C12orf60: variants seen among roughly 807,000 people sequenced by gnomAD.
C12orf60 encodes chromosome 12 open reading frame 60.
For missense variants in C12orf60, 284 were observed against 283.2 expected (o/e 1.00, Z -0.02); for synonymous variants, 102 against 94.6 (o/e 1.08, Z -0.45).
intron 1 of C12orf60, among the ~76,000 whole-genome samples, chr12:14,807,331 A>T (rs1565678909): frequency 6.6e-6 from 1 of 152,148 alleles, no homozygotes; most frequent in Non-Finnish European, 1.5e-5. Flanking sequence ...TTTTATTTGA[A>T]ACAGACCCCA....
chr12:14,812,476 C>G (rs1950156625), intron 1 of C12orf60, among the ~76,000 whole-genome samples: 1 of 152,046 alleles, frequency 6.6e-6, no homozygotes, highest in South Asian at 2.1e-4. Context: ...GTTACGTATA[C>G]TATTCCCTGT....
chr12:14,805,613 G>A (rs1328698064), intron 1 of C12orf60: 1 of 166,758 alleles, frequency 6.0e-6, no homozygotes, highest in Non-Finnish European at 1.3e-5. Context: ...ATAACTAAAT[G>A]ATGTTTGAAG....
At chr12:14,805,679 A>G (rs1296900976) in intron 1 of C12orf60, 6 of 210,600 alleles carry the variant, frequency 2.8e-5, no homozygotes. Context: ...AATTTTACTG[A>G]AATTAGAAAA....
At chr12:14,814,417 A>C (rs1950186732) in intron 1 of C12orf60, among the ~76,000 whole-genome samples, 1 of 152,170 alleles carries the variant, frequency 6.6e-6, no homozygotes. Flanking sequence ...TCTTTAATGG[A>C]CTTTTTATTG....
intron 1 of C12orf60, among the ~76,000 whole-genome samples, chr12:14,821,815 G>A (rs1950309697): frequency 6.6e-6 from 1 of 151,864 alleles, no homozygotes; most frequent in South Asian, 2.1e-4. Flanking sequence ...CTCACCTGGG[G>A]GCAAAGCAGT....
intron 1 of C12orf60, among the ~76,000 whole-genome samples, chr12:14,817,035 TAAATATAAATCTAAG>T (rs1394687300): frequency 1.3e-5 from 2 of 152,130 alleles, no homozygotes; most frequent in East Asian, 3.8e-4. Context: ...ATAAAATACT[TAAATATAAATCTAAG>T]AATATATGAG....
intron 1 of C12orf60, among the ~76,000 whole-genome samples, chr12:14,815,713 C>T (rs1950204372): frequency 1.3e-5 from 2 of 152,154 alleles, no homozygotes; most frequent in Admixed American, 6.5e-5. Context: ...CCATTGCCTA[C>T]AGTATGTGGA....
At chr12:14,807,111 C>T (rs1035476025) in intron 1 of C12orf60, among the ~76,000 whole-genome samples, 18 of 152,308 alleles carry the variant, frequency 1.2e-4, no homozygotes, top group African/African-American at 2.9e-4. Context: ...GGATTACAGG[C>T]GTGAGCCACT....
intron 1 of C12orf60, among the ~76,000 whole-genome samples, chr12:14,812,674 G>A (rs914501819): frequency 1.3e-5 from 2 of 151,800 alleles, no homozygotes; most frequent in African/African-American, 2.4e-5. Context: ...GATATGTATC[G>A]TAAATTGCAT....
chr12:14,822,934 A>C lies in C12orf60; in HGVS notation c.-2A>C. 1 of 1,557,210 alleles carries C rather than the reference A, an allele frequency of 6.4e-7. No homozygotes were observed. Among genetic ancestry groups the C allele is most frequent in the Non-Finnish European group, 8.7e-7 (1 of 1,151,758 alleles). ...CAGTGTTGGAACTTATTTGTTGGAG[A>C]AATGTCTTCAGAGTCAGAAAAGGAT... On this transcript the variant is annotated 5_prime_UTR_variant, in exon 2 of 2. Coordinates refer to ENST00000330828, the MANE Select transcript of C12orf60 (RefSeq NM_175874.4).
Position 14,822,956 on chromosome 12 carries a change from G to A in C12orf60, c.21G>A (p.Lys7=). 6.3e-7 allele frequency: 1 copy of A among 1,593,914 alleles called. No individual in the cohort carries two copies. The highest frequency in any genetic ancestry group is 8.6e-7 in the Non-Finnish European group (1 of 1,167,310). Residue 7 remains lysine (K), a synonymous_variant, in exon 2 of 2, where the codon AAG becomes AAA. Coordinates refer to ENST00000330828, the MANE Select transcript of C12orf60 (RefSeq NM_175874.4). The part of the protein sequence containing the change: MSSESE[K]DKERLIQAAK... ...GAGAAATGTCTTCAGAGTCAGAAAA[G>A]GATAAAGAGAGACTGATTCAAGCTG...
intron 1 of C12orf60, chr12:14,805,835 A>G (rs1256829410): frequency 4.0e-6 from 3 of 741,882 alleles, no homozygotes; most frequent in African/African-American, 1.8e-5. Flanking sequence ...TGTTGACTCA[A>G]AACTCATCTA....
chr12:14,821,910 G>A (rs1950310888), intron 1 of C12orf60, among the ~76,000 whole-genome samples: 1 of 151,188 alleles, frequency 6.6e-6, no homozygotes, highest in Admixed American at 6.6e-5. Flanking sequence ...GAGTGAAAAG[G>A]GGTCCACCCC....
Position 14,810,810 on chromosome 12 carries a change from G to A in C12orf60, c.-25+7059G>A, listed in dbSNP as rs553661187. ...ATAGTTGGCAGTGTGCAGTATTTTC[G>A]CTATTGCCCTTAACAATTTAGTTCT... is the stretch of plus-strand genomic sequence containing the variant. On this transcript the variant is annotated intron_variant, in intron 1 of 1. Transcript: ENST00000330828. 2.7e-3 allele frequency among the ~76,000 whole-genome samples: 412 copies of A among 152,200 alleles called. 4 individuals are homozygous for A. Among genetic ancestry groups the A allele is most frequent in the African/African-American group, 9.7e-3 (403 of 41,532 alleles).
At chr12:14,817,917 C>T (rs1950247671) in intron 1 of C12orf60, among the ~76,000 whole-genome samples, 1 of 152,180 alleles carries the variant, frequency 6.6e-6, no homozygotes. Flanking sequence ...CTATCTTCCA[C>T]AATGATTGAA....
chr12:14,821,792 A>G (rs985070008), intron 1 of C12orf60, among the ~76,000 whole-genome samples: 1 of 151,660 alleles, frequency 6.6e-6, no homozygotes, highest in Admixed American at 6.6e-5. Context: ...AGCTCTTCCC[A>G]TTGCAACTGG....
intron 1 of C12orf60, among the ~76,000 whole-genome samples, chr12:14,814,415 G>T (rs183481557): frequency 6.6e-6 from 1 of 152,222 alleles, no homozygotes; most frequent in Admixed American, 6.5e-5. Flanking sequence ...GTTCTTTAAT[G>T]GACTTTTTAT....
chr12:14,812,560 G>T (rs1309537254), intron 1 of C12orf60, among the ~76,000 whole-genome samples: 1 of 152,048 alleles, frequency 6.6e-6, no homozygotes, highest in East Asian at 1.9e-4. Context: ...GATACCCACA[G>T]ATTTTTTTTC....
chr12:14,803,684 G>T lies in C12orf60; in HGVS notation c.-92G>T, dbSNP rs948942740. 5.1e-6 allele frequency: 2 copies of T among 391,750 alleles called. No homozygotes were observed. The highest frequency in any genetic ancestry group is 4.1e-5 in the African/African-American group (2 of 48,476). The allele number at this position is 391,750 out of a possible 1,614,324, so 24.3% of individuals were successfully genotyped here. A position where few individuals can be genotyped will look rare whatever the true frequency, so the allele number is the denominator to read the frequency against. ...CAATAGGAATTAGAAGAAGATAGCT[G>T]CTAACTGAGTGGCTGACGGTCCTGT... On this transcript the variant is annotated 5_prime_UTR_variant, in exon 1 of 2. Coordinates refer to ENST00000330828, the MANE Select transcript of C12orf60 (RefSeq NM_175874.4).
Sources: gnomAD v4.1 joint callset for allele counts (sites outside exome capture counted in the v4.1 genomes callset) on GRCh38, gnomAD v4.1.1 for gene constraint, MANE v1.5 for transcripts, NCBI Gene and HGNC (gene_info 2026-07-23, HGNC 2026-07-21) for gene names.